FREM1: variants seen among roughly 807,000 people sequenced by gnomAD.
FREM1 encodes FRAS1 related extracellular matrix 1.
FREM1 carries 220 observed loss-of-function variants against 210.1 expected under a neutral mutation model. The ratio of observed to expected loss-of-function variants is 1.05; its 90% CI spans 0.94 to 1.17. The LOEUF (loss-of-function observed/expected upper bound fraction) is 1.17. FREM1 is among the 50% of genes most tolerant of loss of function. The pLI is 0.00. For synonymous variants in FREM1, 1,189 were observed against 980.2 expected (o/e 1.21, Z -3.98); for missense variants, 3,454 against 2,675.5 (o/e 1.29, Z -6.42).
chr9:14,828,638 C>CGGGCG (rs1822931411), intron 10 of FREM1, among the ~76,000 whole-genome samples: 1 of 74,926 alleles, frequency 1.3e-5, no homozygotes, highest in African/African-American at 6.0e-5. Context: ...TAAATTGTGG[C>CGGGCG]GGGGCGGGGG....
In FREM1 at chr9:14,788,987, T is replaced by C. The variant is rs1850852825; in HGVS notation, c.4109A>G (p.Tyr1370Cys). ...DSQNQDSFTF[Y>C]LWDGNNRSPA... ...GGACCTGTTGTTGCCATCCCAAAGG[T>C]AGAAGGTGAAGCTATCTTGATTCTG... Residue 1370 changes from tyrosine (Y) to cysteine (C), a missense_variant, in exon 23 of 37, where the codon TAC becomes TGC. Transcript: ENST00000380880. 3 of 1,612,902 alleles carry C rather than the reference T, an allele frequency of 1.9e-6. No homozygotes were observed. Among genetic ancestry groups the C allele is most frequent in the African/African-American group, 1.3e-5 (1 of 74,892 alleles).
At chr9:14,848,635 T>C in intron 7 of FREM1, 30 bp downstream of exon 7, 7 of 1,316,136 alleles carry the variant, frequency 5.3e-6, no homozygotes, top group South Asian at 2.4e-5. Context: ...TTCAGGGCTA[T>C]GTTGCTCTAT....
chr9:14,738,295 C>T (rs1840765733), intron 36 of FREM1, among the ~76,000 whole-genome samples: 1 of 152,150 alleles, frequency 6.6e-6, no homozygotes, highest in Non-Finnish European at 1.5e-5. Context: ...AAGGAACTCC[C>T]TGCCATAGCA....
intron 1 of FREM1, among the ~76,000 whole-genome samples, chr9:14,879,791 T>C (rs1834457609): frequency 1.3e-5 from 2 of 152,144 alleles, no homozygotes; most frequent in African/African-American, 4.8e-5. Context: ...TACATGTAGA[T>C]GGAGACATGT....
Position 14,818,251 on chromosome 9 carries a change from G to T in FREM1, c.2546+983C>A, listed in dbSNP as rs145416721. Among the ~76,000 whole-genome samples, 781 of 152,310 alleles carry T rather than the reference G, an allele frequency of 5.1e-3. 12 individuals carry two copies. The highest frequency in any genetic ancestry group is 0.018 in the African/African-American group (730 of 41,574). On this transcript the variant is annotated intron_variant, in intron 14 of 36. Transcript: ENST00000380880. ...CCGTAGCAAGAATTACCTAAACAGG[G>T]CTCTCTATCTAACAGACAGCTGAGA...
At position 14,824,054 on chromosome 9, in the gene FREM1, T is replaced by C. The variant is rs754689062; in HGVS notation, c.2140A>G (p.Thr714Ala). Reference protein sequence around the residue: ...DSIPKVVKNPTALELRSFTQH... With the variant: ...DSIPKVVKNPAALELRSFTQH... ...GTGAATGACCTCAGCTCCAGGGCCG[T>C]AGGATTCTTAACTACTTTTGGTATG... is the stretch of plus-strand genomic sequence containing the variant. Residue 714 changes from threonine (T) to alanine (A), a missense_variant, in exon 12 of 37, where the codon ACG (threonine) becomes GCG (alanine). Physicochemically the swap from Thr to Ala is moderately conservative, Grantham distance 58. Coordinates refer to ENST00000380880, the MANE Select transcript of FREM1 (RefSeq NM_001379081.2). 1.9e-6 allele frequency: 3 copies of C among 1,593,824 alleles called. No homozygotes were observed. The highest frequency in any genetic ancestry group is 1.7e-6 in the Non-Finnish European group (2 of 1,168,936).
Position 14,737,478 on chromosome 9 carries a change from A to G in FREM1, c.6458T>C (p.Leu2153Ser), listed in dbSNP as rs372939068. ...QRSKLGKSCVLVQRQGKWQTK... is the reference protein window; with the variant it reads ...QRSKLGKSCVSVQRQGKWQTK... ...TTGCCATTTCCCTTGTCTTTGAACC[A>G]AAACACAGCTCTTTCCAAGCTTGGA... Residue 2153 changes from leucine to serine, a missense_variant, in exon 37 of 37, where the codon TTG (leucine) becomes TCG (serine). By Grantham distance (145) the Leu-to-Ser change is moderately radical. Transcript: ENST00000380880. The G allele has an allele frequency of 1.4e-5, 23 of 1,613,738 alleles. No individual in the cohort carries two copies. Among genetic ancestry groups the G allele is most frequent in the Non-Finnish European group, 1.6e-5 (19 of 1,179,826 alleles).
intron 10 of FREM1, among the ~76,000 whole-genome samples, chr9:14,832,146 T>C (rs1823684662): frequency 6.6e-6 from 1 of 152,224 alleles, no homozygotes; most frequent in Non-Finnish European, 1.5e-5. Flanking sequence ...GCAGCCATAT[T>C]GGGCAGGCCC....
intron 3 of FREM1, among the ~76,000 whole-genome samples, chr9:14,861,015 A>G: frequency 9.5e-6 from 1 of 105,622 alleles, no homozygotes; most frequent in South Asian, 2.8e-4. Context: ...ATATATACAT[A>G]TATACACATA....
At chr9:14,823,381 C>T (rs1588180058) in intron 12 of FREM1, 54 bp from the exon 13 acceptor site, 1 of 1,502,556 alleles carries the variant, frequency 6.7e-7, no homozygotes, top group African/African-American at 1.4e-5. Context: ...GGATCAAAAG[C>T]TTTTAGAGGT....
At chr9:14,758,197 C>T (rs1844784158) in intron 28 of FREM1, among the ~76,000 whole-genome samples, 1 of 152,144 alleles carries the variant, frequency 6.6e-6, no homozygotes, top group Admixed American at 6.5e-5. Flanking sequence ...GTAGAGTTGT[C>T]CTGAAAGACT....
At chr9:14,767,926 C>G (rs1257415341) in intron 27 of FREM1, among the ~76,000 whole-genome samples, 1 of 152,102 alleles carries the variant, frequency 6.6e-6, no homozygotes, top group Non-Finnish European at 1.5e-5. Flanking sequence ...CTGGAAACAT[C>G]TCCAGCACAG....
At chr9:14,781,559 A>G in intron 24 of FREM1, among the ~76,000 whole-genome samples, 1 of 152,296 alleles carries the variant, frequency 6.6e-6, no homozygotes, top group Non-Finnish European at 1.5e-5. Context: ...TTGTTTTCTT[A>G]TATTTAGTTT....
rs372211797 is a variant in FREM1, at chr9:14,846,028, T to A, written c.1325A>T (p.Asn442Ile). The A allele has an allele frequency of 3.6e-5, 58 of 1,610,996 alleles. No homozygotes were observed. In the African/African-American group the frequency reaches 6.9e-4, roughly 19 times the overall value. ...TAGCCGGACAGCACCAATGTCGTCA[T>A]TGTCGACAACCTGAAACTGTTCCCA... is the stretch of plus-strand genomic sequence containing the variant. ...ITWEQFQVVD[N>I]DDIGAVRLVT... The change falls in exon 8 of 37, where the codon AAT becomes ATT. Residue 442 changes from asparagine (N) to isoleucine (I), a missense_variant. Asn to Ile is a moderately radical substitution (Grantham distance 149). Transcript: ENST00000380880.
intron 29 of FREM1, 103 bp downstream of exon 29, chr9:14,756,271 C>G (rs1844337733): frequency 1.2e-6 from 1 of 850,888 alleles, no homozygotes; most frequent in East Asian, 2.8e-5. Flanking sequence ...TTCTAGTTGG[C>G]TAAAGTTGTG....
intron 15 of FREM1, among the ~76,000 whole-genome samples, chr9:14,814,055 C>T (rs1181566359): frequency 6.6e-6 from 1 of 152,166 alleles, no homozygotes; most frequent in Non-Finnish European, 1.5e-5. Flanking sequence ...AGGGTCTCTG[C>T]ATCATCTCTC....
At chr9:14,907,759 G>A (rs985487764) in intron 1 of FREM1, among the ~76,000 whole-genome samples, 1 of 152,218 alleles carries the variant, frequency 6.6e-6, no homozygotes, top group Non-Finnish European at 1.5e-5. Flanking sequence ...CCTATTCTCA[G>A]AGTAAATGCT....
At chr9:14,886,257 C>A (rs79836561) in intron 1 of FREM1, among the ~76,000 whole-genome samples, 1 of 151,894 alleles carries the variant, frequency 6.6e-6, no homozygotes, top group Non-Finnish European at 1.5e-5. Flanking sequence ...TGATGGCACA[C>A]GCCTGTAAAT....
chr9:14,778,341 T>G (rs1298441879), intron 24 of FREM1, among the ~76,000 whole-genome samples: 1 of 104,964 alleles, frequency 9.5e-6, no homozygotes, highest in Non-Finnish European at 2.1e-5. Context: ...GCTGGTGCAG[T>G]GGCTCACACC....
Sources: allele counts gnomAD v4.1 joint callset (sites outside exome capture counted in the v4.1 genomes callset), GRCh38; gene constraint gnomAD v4.1.1; transcripts MANE v1.5; gene names NCBI Gene and HGNC (gene_info 2026-07-23, HGNC 2026-07-21).